The following LRP1B variants were observed in gnomAD, a reference collection of about 807,000 sequenced individuals.
LRP1B encodes low-density lipoprotein receptor-related protein 1B.
In LRP1B, 217 loss-of-function variants were observed where a neutral mutation model predicts 556.6. That is an observed-to-expected ratio of 0.39 (90% confidence interval 0.35 to 0.44). LRP1B has a LOEUF of 0.44. Ranked by LOEUF, LRP1B falls within the 20% of genes least tolerant of loss-of-function variation. The pLI is 1.00. For missense variants in LRP1B, 5,053 were observed against 5,620.8 expected (o/e 0.90, Z 3.23); for synonymous variants, 2,047 against 1,865.8 (o/e 1.10, Z -2.50).
intron 2 of LRP1B, among the ~76,000 whole-genome samples, chr2:141,513,426 T>C (rs1378192614): frequency 1.3e-5 from 2 of 151,870 alleles, no homozygotes; most frequent in Admixed American, 6.5e-5. Context: ...ATTATGAACA[T>C]TGACTTGCTT....
At position 140,464,486 on chromosome 2, in the gene LRP1B, T is replaced by C. The variant is rs79558219; in HGVS notation, c.9626-6835A>G. Among the ~76,000 whole-genome samples, 529 of 152,316 alleles carry C rather than the reference T, an allele frequency of 3.5e-3. 8 individuals are homozygous for C. Among genetic ancestry groups the C allele is most frequent in the African/African-American group, 0.012 (490 of 41,564 alleles). Reference sequence around the variant, plus strand: ...ATATTCACCATCCAAAGAGTATTCCTGTTAATGAATGTGAAGTTTTATAAA... The same window carrying C: ...ATATTCACCATCCAAAGAGTATTCCCGTTAATGAATGTGAAGTTTTATAAA... On this transcript the variant is annotated intron_variant, in intron 60 of 90. Coordinates refer to ENST00000389484, the MANE Select transcript of LRP1B (RefSeq NM_018557.3).
intron 6 of LRP1B, among the ~76,000 whole-genome samples, chr2:141,200,743 G>C (rs2105224689): frequency 6.6e-6 from 1 of 152,170 alleles, no homozygotes; most frequent in African/African-American, 2.4e-5. Flanking sequence ...TCAGTGCACT[G>C]TCTCCCCACA....
intron 35 of LRP1B, among the ~76,000 whole-genome samples, chr2:140,753,445 G>A (rs1394050249): frequency 6.6e-6 from 1 of 152,086 alleles, no homozygotes; most frequent in Non-Finnish European, 1.5e-5. Context: ...ATTTCAGAGA[G>A]TTTAGACAAT....
chr2:140,702,634 A>T, intron 37 of LRP1B, 81 bp from the exon 38 acceptor site: 1 of 1,267,242 alleles, frequency 7.9e-7, no homozygotes, highest in Non-Finnish European at 1.1e-6. Context: ...CATTACTAAT[A>T]ACAGCAGTAG....
intron 35 of LRP1B, among the ~76,000 whole-genome samples, chr2:140,736,841 C>A (rs1687962332): frequency 6.6e-6 from 1 of 152,074 alleles, no homozygotes; most frequent in Non-Finnish European, 1.5e-5. Flanking sequence ...CCCTTCTCAC[C>A]CCCTACTGCC....
At chr2:141,457,956 A>C (rs759047470) in intron 3 of LRP1B, among the ~76,000 whole-genome samples, 5 of 152,180 alleles carry the variant, frequency 3.3e-5, no homozygotes, top group Non-Finnish European at 7.4e-5. Context: ...GGTCAAAGGG[A>C]ATCAGTAGTT....
chr2:142,127,345 T>C (rs1707691385), intron 1 of LRP1B, among the ~76,000 whole-genome samples: 1 of 151,320 alleles, frequency 6.6e-6, no homozygotes, highest in Non-Finnish European at 1.5e-5. Flanking sequence ...GAAATACTGA[T>C]TCAGATTCTG....
chr2:140,970,619 T>C (rs1041071160), intron 18 of LRP1B, among the ~76,000 whole-genome samples: 1 of 151,990 alleles, frequency 6.6e-6, no homozygotes, highest in Non-Finnish European at 1.5e-5. Flanking sequence ...GCATCACTCA[T>C]GCTGGGAGCT....
intron 7 of LRP1B, among the ~76,000 whole-genome samples, chr2:141,127,843 C>A (rs961580874): frequency 1.2e-4 from 18 of 152,162 alleles, no homozygotes; most frequent in African/African-American, 4.3e-4. Context: ...ATCAATTACA[C>A]TCTATTTTCC....
intron 84 of LRP1B, among the ~76,000 whole-genome samples, chr2:140,281,824 TTTAA>T (rs1376260157): frequency 6.6e-6 from 1 of 151,806 alleles, no homozygotes; most frequent in Non-Finnish European, 1.5e-5. Context: ...CACTGTTATA[TTTAA>T]TTGTGTCCCA....
intron 2 of LRP1B, among the ~76,000 whole-genome samples, chr2:141,660,239 C>G (rs1040732715): frequency 6.6e-6 from 1 of 152,252 alleles, no homozygotes; most frequent in African/African-American, 2.4e-5. Flanking sequence ...GGAGCTCCCA[C>G]CCCCAGCCAA....
chr2:141,740,702 C>T (rs1321384966), intron 2 of LRP1B, among the ~76,000 whole-genome samples: 2 of 152,114 alleles, frequency 1.3e-5, no homozygotes, highest in Non-Finnish European at 2.9e-5. Context: ...CTAGCAATTG[C>T]TAAGTGACAG....
chr2:140,742,977 T>C (rs545292500), intron 35 of LRP1B, among the ~76,000 whole-genome samples: 1 of 152,286 alleles, frequency 6.6e-6, no homozygotes, highest in Admixed American at 6.5e-5. Flanking sequence ...ATTTGGGCAG[T>C]AAAATAAACA....
intron 3 of LRP1B, among the ~76,000 whole-genome samples, chr2:141,410,215 C>T (rs994948254): frequency 2.0e-5 from 3 of 152,028 alleles, no homozygotes; most frequent in Admixed American, 6.5e-5. Flanking sequence ...TTTACTATTA[C>T]ACGTCTTTTT....
At chr2:142,028,142 G>A (rs755140854) in intron 1 of LRP1B, among the ~76,000 whole-genome samples, 7 of 151,916 alleles carry the variant, frequency 4.6e-5, no homozygotes, top group Non-Finnish European at 8.8e-5. Flanking sequence ...GATTGCTCTT[G>A]TCTTAAGGAG....
chr2:140,334,599 G>T, intron 78 of LRP1B, 40 bp from the exon 79 acceptor site: 1 of 1,158,764 alleles, frequency 8.6e-7, no homozygotes, highest in Non-Finnish European at 1.2e-6. Context: ...TGGTGATGGT[G>T]CTGCTATAAC....
chr2:141,399,683 G>T (rs1207018784), intron 3 of LRP1B, among the ~76,000 whole-genome samples: 1 of 152,090 alleles, frequency 6.6e-6, no homozygotes, highest in African/African-American at 2.4e-5. Context: ...GCTTAAAGAC[G>T]TTCTCATTGA....
chr2:140,357,290 G>A (rs1471740915), intron 74 of LRP1B, among the ~76,000 whole-genome samples: 2 of 151,406 alleles, frequency 1.3e-5, no homozygotes, highest in African/African-American at 4.8e-5. Context: ...ATAGGTCAGT[G>A]GAATGATACC....
chr2:141,076,812 C>T (rs555455324), intron 7 of LRP1B, among the ~76,000 whole-genome samples: 14 of 152,248 alleles, frequency 9.2e-5, no homozygotes, highest in African/African-American at 3.4e-4. Flanking sequence ...AAAACAAGAT[C>T]ATTGAGGATA....
Sources: allele counts gnomAD v4.1 joint callset (sites outside exome capture counted in the v4.1 genomes callset), GRCh38; gene constraint gnomAD v4.1.1; transcripts MANE v1.5; gene names NCBI Gene and HGNC (gene_info 2026-07-23, HGNC 2026-07-21).